Variants in CUX1 observed in about 807,000 individuals in gnomAD.
CUX1 encodes the protein cut like homeobox 1.
CUX1 carries 31 observed loss-of-function variants against 158.8 expected under a neutral mutation model. That is an observed-to-expected ratio of 0.20 (90% CI 0.15 to 0.26). CUX1 has a LOEUF of 0.26. Ranked by LOEUF, CUX1 falls within the 10% of genes least tolerant of loss-of-function variation. The pLI, the probability that CUX1 is intolerant of heterozygous loss-of-function variation, is 1.00. For synonymous variants in CUX1, 879 were observed against 862.1 expected (o/e 1.02, Z -0.34); for missense variants, 1,589 against 2,014.6 (o/e 0.79, Z 4.04).
At chr7:102,082,329 C>T (rs185722431) in intron 4 of CUX1, among the ~76,000 whole-genome samples, 1 of 146,606 alleles carries the variant, frequency 6.8e-6, no homozygotes, top group Non-Finnish European at 1.5e-5. Context: ...GAGTTCGAGA[C>T]CAGCCTGGCC....
In CUX1 at chr7:102,201,251, G is replaced by C. The variant is rs569019344; in HGVS notation, c.2063-109G>C. On this transcript the variant is annotated intron_variant, in intron 17 of 23. Transcript: ENST00000292535. This position sits in a 1 kb window ranked among gnomAD's most constrained non-coding sequence, Gnocchi z 5.0. ...CCATGCTGGGGAAATACACAGTGTGGTTCTCCCAAATAACCCACACTTTGC... is the reference window on the plus strand; with the variant it reads ...CCATGCTGGGGAAATACACAGTGTGCTTCTCCCAAATAACCCACACTTTGC... The C allele has an allele frequency of 2.7e-6, 4 of 1,473,210 alleles. No individual in the cohort carries two copies. In the South Asian group the frequency reaches 5.1e-5, roughly 19 times the overall value. 91.3% of individuals were successfully genotyped at this position (1,473,210 alleles called of 1,614,324 possible).
chr7:101,817,696 C>T lies in CUX1; in HGVS notation c.30+27C>T. 3 of 1,549,578 alleles carry T rather than the reference C, an allele frequency of 1.9e-6. No individual in the cohort carries two copies. The highest frequency in any genetic ancestry group is 2.6e-6 in the Non-Finnish European group (3 of 1,146,664). The stretch of plus-strand genomic sequence containing the variant: ...TGAGCGGCGTGTGGGCCAGAAGTCC[C>T]GAGGTTGCAGGCGCGGAGGGAACCG... On this transcript the variant is annotated intron_variant, in intron 1 of 23. Transcript: ENST00000292535. This position sits in a 1 kb window ranked among gnomAD's most constrained non-coding sequence, Gnocchi z 4.1.
At chr7:102,181,337 A>G (rs1326293665) in intron 11 of CUX1, among the ~76,000 whole-genome samples, 1 of 152,064 alleles carries the variant, frequency 6.6e-6, no homozygotes. Flanking sequence ...TCATTTTCTC[A>G]TGTTACAGCC....
intron 10 of CUX1, among the ~76,000 whole-genome samples, chr7:102,171,771 A>G (rs1554510511): frequency 6.6e-6 from 1 of 152,094 alleles, no homozygotes; most frequent in East Asian, 1.9e-4. Context: ...TCTAGCACAT[A>G]ATTTCATCAC....
At chr7:102,066,827 G>C (rs1825601432) in intron 3 of CUX1, among the ~76,000 whole-genome samples, 2 of 152,184 alleles carry the variant, frequency 1.3e-5, no homozygotes, top group African/African-American at 4.8e-5. Flanking sequence ...AGGTACAGTT[G>C]AAACAGTGCC....
At chr7:102,148,638 A>G (rs1835265602) in intron 8 of CUX1, among the ~76,000 whole-genome samples, 1 of 149,500 alleles carries the variant, frequency 6.7e-6, no homozygotes, top group Non-Finnish European at 1.5e-5. Context: ...TATTTCATTA[A>G]TAAATGTATA....
chr7:102,028,757 T>C (rs1820363139), intron 3 of CUX1, among the ~76,000 whole-genome samples: 3 of 152,186 alleles, frequency 2.0e-5, no homozygotes, highest in Non-Finnish European at 4.4e-5. Context: ...ACAGCAGCCA[T>C]AGAGGGGACT....
chr7:102,181,566 C>T (rs1041826106), intron 11 of CUX1, among the ~76,000 whole-genome samples: 4 of 152,172 alleles, frequency 2.6e-5, no homozygotes, highest in Non-Finnish European at 2.9e-5. Context: ...GTTCGTTATC[C>T]GTATCTTGGG....
Position 101,924,963 on chromosome 7 carries a change from C to T in CUX1, c.141+8738C>T, listed in dbSNP as rs187332343. Among the ~76,000 whole-genome samples the T allele has an allele frequency of 7.2e-5, 11 of 152,296 alleles. No individual in the cohort carries two copies. In the East Asian group the frequency reaches 1.9e-3, roughly 27 times the overall value. On this transcript the variant is annotated intron_variant, in intron 2 of 23. Transcript: ENST00000292535. ...GTTACCCACTGGACTCTCAACTCTT[C>T]TCTGTTATCAACAAATCTTGTTTTA...
chr7:101,955,332 C>T (rs1809627725), intron 2 of CUX1, among the ~76,000 whole-genome samples: 1 of 152,196 alleles, frequency 6.6e-6, no homozygotes, highest in Non-Finnish European at 1.5e-5. Flanking sequence ...TTAGCAAGCA[C>T]CTGCTGCTTG....
At chr7:101,989,471 AG>A (rs1814808366) in intron 2 of CUX1, among the ~76,000 whole-genome samples, 1 of 152,232 alleles carries the variant, frequency 6.6e-6, no homozygotes, top group African/African-American at 2.4e-5. Flanking sequence ...AAAGTCTGTA[AG>A]CCCCCATGGA....
At chr7:101,899,677 G>A (rs1295510695) in intron 1 of CUX1, among the ~76,000 whole-genome samples, 1 of 152,214 alleles carries the variant, frequency 6.6e-6, no homozygotes, top group African/African-American at 2.4e-5. Flanking sequence ...AAGTCCTGAT[G>A]TCTGTGTACA....
intron 14 of CUX1, among the ~76,000 whole-genome samples, chr7:102,264,083 G>A (rs1293856979): frequency 6.9e-6 from 1 of 144,100 alleles, no homozygotes; most frequent in Non-Finnish European, 1.5e-5. Flanking sequence ...TCAGCTCACT[G>A]CAACCTCCGC....
chr7:102,073,716 T>C (rs1222663008), intron 4 of CUX1, among the ~76,000 whole-genome samples: 1 of 152,212 alleles, frequency 6.6e-6, no homozygotes, highest in African/African-American at 2.4e-5. Context: ...ATTTTGATCA[T>C]AGCATGGGTA....
At chr7:102,265,036 C>G (rs1430348580) in intron 14 of CUX1, 1 of 152,202 alleles carries the variant, frequency 6.6e-6, no homozygotes, top group Non-Finnish European at 1.5e-5. Flanking sequence ...TTGTCTCCAA[C>G]GTTCCTTAGG....
At chr7:101,935,724 G>C (rs989721221) in intron 2 of CUX1, among the ~76,000 whole-genome samples, 1 of 152,220 alleles carries the variant, frequency 6.6e-6, no homozygotes, top group Non-Finnish European at 1.5e-5. Context: ...GTCACGAGGC[G>C]TGAGGAGGCT....
At chr7:102,181,792 G>A (rs982223843) in intron 11 of CUX1, among the ~76,000 whole-genome samples, 23 of 152,244 alleles carry the variant, frequency 1.5e-4, no homozygotes, top group Admixed American at 3.3e-4. Context: ...GTTTCCTCTC[G>A]CCCCAAAGGA....
intron 1 of CUX1, among the ~76,000 whole-genome samples, chr7:101,850,561 T>G (rs1008371633): frequency 3.3e-5 from 5 of 151,870 alleles, no homozygotes; most frequent in Non-Finnish European, 5.9e-5. Context: ...TTGTATTTTT[T>G]GTAGAGATGG....
At chr7:101,844,608 T>G (rs184491487) in intron 1 of CUX1, among the ~76,000 whole-genome samples, 5 of 152,192 alleles carry the variant, frequency 3.3e-5, no homozygotes, top group African/African-American at 1.2e-4. Flanking sequence ...CTTGTCATCG[T>G]TCTTCTTTTT....
Sources: gnomAD v4.1 joint callset for allele counts (sites outside exome capture counted in the v4.1 genomes callset) on GRCh38, gnomAD v4.1.1 for gene constraint, Gnocchi (gnomAD v3.1) non-coding constraint, MANE v1.5 for transcripts, NCBI Gene and HGNC (gene_info 2026-07-23, HGNC 2026-07-21) for gene names.